Variants in GRIK4 observed in about 807,000 individuals in gnomAD.
GRIK4 encodes glutamate ionotropic receptor kainate type subunit 4, also known as glutamate receptor ionotropic, kainate 4.
Under a neutral mutation model 104.9 loss-of-function variants are expected in GRIK4, and 40 were observed. The ratio of observed to expected loss-of-function variants is 0.38; its 90% CI spans 0.30 to 0.50. GRIK4 has a LOEUF of 0.50. Ranked by LOEUF, GRIK4 falls within the 20% of genes least tolerant of loss-of-function variation. GRIK4 has a pLI of 0.93. For missense variants in GRIK4, 1,047 were observed against 1,308.1 expected (o/e 0.80, Z 3.08); for synonymous variants, 485 against 524.9 (o/e 0.92, Z 1.04).
intron 4 of GRIK4, among the ~76,000 whole-genome samples, chr11:120,808,768 G>C (rs1389517875): frequency 6.6e-6 from 1 of 152,202 alleles, no homozygotes; most frequent in African/African-American, 2.4e-5. Flanking sequence ...GGCTTCACGT[G>C]TACTCTGTGC....
intron 3 of GRIK4, among the ~76,000 whole-genome samples, chr11:120,752,918 G>A (rs973734285): frequency 9.8e-5 from 15 of 152,356 alleles, no homozygotes; most frequent in African/African-American, 3.6e-4. Flanking sequence ...GAGGGACGGA[G>A]GCAGGAGAGC....
intron 4 of GRIK4, among the ~76,000 whole-genome samples, chr11:120,815,018 A>T (rs1007343592): frequency 6.6e-6 from 1 of 151,060 alleles, no homozygotes; most frequent in Non-Finnish European, 1.5e-5. Context: ...GGCTCCCCCT[A>T]CCCCCCTGCA....
At chr11:120,783,450 C>T (rs1312724612) in intron 3 of GRIK4, among the ~76,000 whole-genome samples, 1 of 152,076 alleles carries the variant, frequency 6.6e-6, no homozygotes, top group Non-Finnish European at 1.5e-5. Context: ...GTTCCCTTCC[C>T]TCTTGTCTGT....
intron 1 of GRIK4, among the ~76,000 whole-genome samples, chr11:120,605,443 A>G (rs990284517): frequency 1.3e-5 from 2 of 152,218 alleles, no homozygotes; most frequent in African/African-American, 2.4e-5. Context: ...GACAAATACT[A>G]CTTACAGCAT....
chr11:120,598,845 T>C (rs1948841332), intron 1 of GRIK4, among the ~76,000 whole-genome samples: 1 of 152,242 alleles, frequency 6.6e-6, no homozygotes, highest in African/African-American at 2.4e-5. Flanking sequence ...GCCTAAGTAC[T>C]TTTTACATCC....
At chr11:120,684,298 G>A (rs918449749) in intron 3 of GRIK4, among the ~76,000 whole-genome samples, 1 of 152,174 alleles carries the variant, frequency 6.6e-6, no homozygotes, top group African/African-American at 2.4e-5. Flanking sequence ...ACTCCCATCT[G>A]GGTGACAGAG....
rs1364877714 is a variant in GRIK4, at chr11:120,653,672, T to G, written c.-158-13T>G. 2.6e-5 allele frequency: 4 copies of G among 152,208 alleles called. No individual in the cohort carries two copies. The highest frequency in any genetic ancestry group is 2.9e-5 in the Non-Finnish European group (2 of 68,044). 9.4% of individuals were successfully genotyped at this position (152,208 alleles called of 1,614,324 possible). ...CACATATGTTCTCTGATTGGACTCT[T>G]TTTTTATTCCAGCAGATACTTTCTG... On this transcript the variant is annotated splice_polypyrimidine_tract_variant and intron_variant, in intron 1 of 20. Transcript: ENST00000527524.
At chr11:120,937,345 T>A (rs1943619839) in intron 13 of GRIK4, among the ~76,000 whole-genome samples, 1 of 152,188 alleles carries the variant, frequency 6.6e-6, no homozygotes, top group African/African-American at 2.4e-5. Context: ...AGCCATAATG[T>A]CTTTGACTAG....
At chr11:120,656,908 A>G (rs1430016578) in intron 2 of GRIK4, among the ~76,000 whole-genome samples, 1 of 152,150 alleles carries the variant, frequency 6.6e-6, no homozygotes, top group African/African-American at 2.4e-5. Flanking sequence ...GAGCAGCTTC[A>G]CTCAGTTCCT....
At chr11:120,690,471 C>T (rs1018324696) in intron 3 of GRIK4, among the ~76,000 whole-genome samples, 1 of 152,232 alleles carries the variant, frequency 6.6e-6, no homozygotes, top group African/African-American at 2.4e-5. Flanking sequence ...CAGCTGAGCC[C>T]CCACACTGCA....
At chr11:120,875,273 G>A in intron 11 of GRIK4, 30 bp downstream of exon 11, 1 of 1,324,970 alleles carries the variant, frequency 7.5e-7, no homozygotes, top group Non-Finnish European at 1.1e-6. Flanking sequence ...GGTGATGGCA[G>A]GTCCTCCTCT....
intron 3 of GRIK4, among the ~76,000 whole-genome samples, chr11:120,707,523 G>C (rs1728903871): frequency 6.6e-6 from 1 of 152,300 alleles, no homozygotes; most frequent in African/African-American, 2.4e-5. Context: ...GTAATCAAGA[G>C]GCTGGACTCC....
At chr11:120,679,918 G>A (rs998609630) in intron 3 of GRIK4, among the ~76,000 whole-genome samples, 6 of 152,160 alleles carry the variant, frequency 3.9e-5, no homozygotes, top group Admixed American at 3.3e-4. Context: ...TACTGCAGAC[G>A]CTGGAGTCCC....
At chr11:120,687,088 A>G (rs921692890) in intron 3 of GRIK4, among the ~76,000 whole-genome samples, 7 of 152,250 alleles carry the variant, frequency 4.6e-5, no homozygotes, top group Admixed American at 3.3e-4. Flanking sequence ...TTACATTTGT[A>G]TGATTAGTAA....
intron 13 of GRIK4, among the ~76,000 whole-genome samples, chr11:120,911,473 G>A (rs1363734279): frequency 3.4e-5 from 5 of 148,084 alleles, no homozygotes; most frequent in Admixed American, 6.7e-5. Context: ...TCCTGACCTC[G>A]TGATCCGCCC....
At chr11:120,837,926 G>A (rs1490065968) in intron 8 of GRIK4, among the ~76,000 whole-genome samples, 1 of 152,174 alleles carries the variant, frequency 6.6e-6, no homozygotes, top group African/African-American at 2.4e-5. Flanking sequence ...CAGCCTGCCA[G>A]AGAGGCTCCC....
At chr11:120,869,374 C>G (rs1954530504) in intron 9 of GRIK4, 1 of 152,368 alleles carries the variant, frequency 6.6e-6, no homozygotes. Flanking sequence ...TTTCACCCCT[C>G]TGAAGGCCAC....
chr11:120,950,528 T>C (rs1378872586), intron 14 of GRIK4, among the ~76,000 whole-genome samples: 2 of 152,202 alleles, frequency 1.3e-5, no homozygotes, highest in African/African-American at 4.8e-5. Context: ...GAGAGACAGA[T>C]TGAAATAGTC....
intron 2 of GRIK4, among the ~76,000 whole-genome samples, chr11:120,659,493 A>G (rs1464007539): frequency 6.6e-6 from 1 of 152,060 alleles, no homozygotes; most frequent in African/African-American, 2.4e-5. Flanking sequence ...GTTCAACTCC[A>G]CCAGGAGGGG....
Sources: gnomAD v4.1 joint callset for allele counts (sites outside exome capture counted in the v4.1 genomes callset) on GRCh38, gnomAD v4.1.1 for gene constraint, MANE v1.5 for transcripts, NCBI Gene and HGNC (gene_info 2026-07-23, HGNC 2026-07-21) for gene names.